PTCD2: variants seen among roughly 807,000 people sequenced by gnomAD.
PTCD2 encodes the protein pentatricopeptide repeat-containing protein 2, mitochondrial.
A neutral mutation model predicts 42.6 loss-of-function variants in PTCD2; 31 were observed. The observed-to-expected ratio is 0.73, with a 90% CI of 0.55 to 0.98. The LOEUF (loss-of-function observed/expected upper bound fraction) is 0.98. Among genes scored for constraint, PTCD2 ranks in the 50% least tolerant of loss-of-function variants. The pLI is 0.00. For missense variants in PTCD2, 476 were observed against 454.8 expected, an observed-to-expected ratio of 1.05 and a Z score of -0.42; for synonymous variants, 183 against 170.9, an observed-to-expected ratio of 1.07 and a Z score of -0.55.
chr5:72,322,412 T>G, intron 2 of PTCD2, 148 bp downstream of exon 2: 1 of 614,390 alleles, frequency 1.6e-6, no homozygotes, highest in Non-Finnish European at 2.9e-6. Flanking sequence ...TGAACTCTTA[T>G]ATTTATCTTG....
In PTCD2 at chr5:72,364,117, A is replaced by G. The variant is rs988427127; in HGVS notation, c.*5690A>G. 1 of 152,254 alleles carries G rather than the reference A, an allele frequency of 6.6e-6. No individual in the cohort carries two copies. The highest frequency in any genetic ancestry group is 6.5e-5 in the Admixed American group (1 of 15,292). The allele number at this position is 152,254 out of a possible 1,614,324, so 9.4% of individuals were successfully genotyped here. On this transcript the variant is annotated 3_prime_UTR_variant, in exon 10 of 10. Coordinates refer to ENST00000380639, the MANE Select transcript of PTCD2 (RefSeq NM_024754.5). ...TTCAACTGTATTGCATAGAAAATGAATCAAGGAATTACATTGGCTTAAATG... is the reference window on the plus strand; with the variant it reads ...TTCAACTGTATTGCATAGAAAATGAGTCAAGGAATTACATTGGCTTAAATG...
rs528817115 is a variant in PTCD2, at chr5:72,342,107, C to T, written c.754-855C>T. On this transcript the variant is annotated intron_variant, in intron 7 of 9. Transcript: ENST00000380639. ...TAAAAATTCAAAAATAAAAGAAAAA[C>T]GTGTTTCTTTTAGACCGGTCATTTG... 7.3e-5 allele frequency among the ~76,000 whole-genome samples: 11 copies of T among 151,658 alleles called. No homozygotes were observed. The South Asian group carries it at 1.5e-3, about 20-fold the overall frequency.
Position 72,352,335 on chromosome 5 carries a change from A to C in PTCD2, c.829-306A>C, listed in dbSNP as rs545761755. 3.9e-5 allele frequency among the ~76,000 whole-genome samples: 6 copies of C among 152,214 alleles called. No individual in the cohort carries two copies. The East Asian group carries it at 1.2e-3, about 29-fold the overall frequency. Reference sequence around the variant, plus strand: ...GCTAATTTTTGTATTTTTAGTAGAGATGGGGTTTCACCATGTTGGCCAGAA... The same window carrying C: ...GCTAATTTTTGTATTTTTAGTAGAGCTGGGGTTTCACCATGTTGGCCAGAA... On this transcript the variant is annotated intron_variant, in intron 8 of 9. Coordinates refer to ENST00000380639, the MANE Select transcript of PTCD2 (RefSeq NM_024754.5).
chr5:72,323,515 A>C (rs1750974507), intron 2 of PTCD2, among the ~76,000 whole-genome samples: 3 of 151,760 alleles, frequency 2.0e-5, no homozygotes, highest in African/African-American at 7.3e-5. Flanking sequence ...CTCCTTTATG[A>C]ACACATCTAA....
intron 8 of PTCD2, among the ~76,000 whole-genome samples, chr5:72,347,044 C>A (rs1412332229): frequency 6.6e-6 from 1 of 152,104 alleles, no homozygotes; most frequent in African/African-American, 2.4e-5. Flanking sequence ...ATTTGTTATA[C>A]AACTCTATCA....
In PTCD2 at chr5:72,367,513, G is replaced by T. The variant is rs1304608672; in HGVS notation, c.*9086G>T. 1 of 152,164 alleles carries T rather than the reference G, an allele frequency of 6.6e-6. No individual in the cohort carries two copies. The highest frequency in any genetic ancestry group is 1.9e-4 in the East Asian group (1 of 5,190). 9.4% of individuals were successfully genotyped at this position (152,164 alleles called of 1,614,324 possible). On this transcript the variant is annotated 3_prime_UTR_variant, in exon 10 of 10. Transcript: ENST00000380639. The stretch of plus-strand genomic sequence containing the variant: ...ACAATGTGGCCCACAGAGTTGGTAT[G>T]GTTTGGCCACACCAGCTCAGGGATA...
At chr5:72,351,296 G>A (rs529636602) in intron 8 of PTCD2, among the ~76,000 whole-genome samples, 10 of 152,240 alleles carry the variant, frequency 6.6e-5, no homozygotes, top group African/African-American at 2.2e-4. Flanking sequence ...TGGAAGATAG[G>A]TGGTAGTATC....
intron 4 of PTCD2, among the ~76,000 whole-genome samples, chr5:72,333,890 G>A (rs978266748): frequency 3.3e-5 from 5 of 152,022 alleles, no homozygotes; most frequent in Admixed American, 6.6e-5. Context: ...GTCTTGCTCC[G>A]TCACCTAAGC....
intron 8 of PTCD2, among the ~76,000 whole-genome samples, chr5:72,347,953 T>C (rs1353938449): frequency 6.6e-6 from 1 of 152,166 alleles, no homozygotes; most frequent in Non-Finnish European, 1.5e-5. Context: ...CATAAGTAAC[T>C]TTGAAGTGAT....
chr5:72,341,701 A>G (rs958373008), intron 7 of PTCD2, among the ~76,000 whole-genome samples: 2 of 152,100 alleles, frequency 1.3e-5, no homozygotes, highest in African/African-American at 4.8e-5. Flanking sequence ...CCATGATTCC[A>G]CCACTACCCT....
Position 72,320,402 on chromosome 5 carries a change from C to T in PTCD2, c.20C>T (p.Ala7Val), listed in dbSNP as rs1318446686. 2 of 1,614,074 alleles carry T rather than the reference C, an allele frequency of 1.2e-6. No individual in the cohort carries two copies. The highest frequency in any genetic ancestry group is 1.3e-5 in the African/African-American group (1 of 74,930). MVRDSMAAAFRPSNRVL... is the reference protein window; with the variant it reads MVRDSMVAAFRPSNRVL... ...GTTGGTATGGTCCGAGACAGTATGGCTGCTGCATTTCGGCCCTCGAATCGA... is the reference window on the plus strand; with the variant it reads ...GTTGGTATGGTCCGAGACAGTATGGTTGCTGCATTTCGGCCCTCGAATCGA... Residue 7 changes from alanine to valine, a missense_variant, in exon 1 of 10, where the codon GCT (alanine) becomes GTT (valine). Transcript: ENST00000380639.
At chr5:72,323,868 A>G (rs1329485470) in intron 2 of PTCD2, among the ~76,000 whole-genome samples, 1 of 151,848 alleles carries the variant, frequency 6.6e-6, no homozygotes, top group Non-Finnish European at 1.5e-5. Flanking sequence ...CTGGTCTCGA[A>G]CTCCCAGGCT....
Position 72,366,837 on chromosome 5 carries a change from A to G in PTCD2, c.*8410A>G, listed in dbSNP as rs1441055987. The G allele has an allele frequency of 1.3e-5, 2 of 152,276 alleles. No homozygotes were observed. Among genetic ancestry groups the G allele is most frequent in the Admixed American group, 6.5e-5 (1 of 15,290 alleles). The allele number at this position is 152,276 out of a possible 1,614,324, so 9.4% of individuals were successfully genotyped here. ...TCCATGTGCGTGTACACGTGAGCAC[A>G]CATGCACACACACATTAGATGTTTT... On this transcript the variant is annotated 3_prime_UTR_variant, in exon 10 of 10. Transcript: ENST00000380639.
chr5:72,334,951 C>A, intron 4 of PTCD2, 67 bp from the exon 5 acceptor site: 2 of 919,734 alleles, frequency 2.2e-6, no homozygotes, highest in Non-Finnish European at 1.8e-6. Context: ...AGATAAGAGA[C>A]AGTAAAAGTA....
chr5:72,339,747 A>G (rs1751958642), intron 7 of PTCD2, among the ~76,000 whole-genome samples: 2 of 145,872 alleles, frequency 1.4e-5, no homozygotes, highest in African/African-American at 5.4e-5. Context: ...TGTTTGGTGC[A>G]CAGATACATC....
intron 1 of PTCD2, chr5:72,321,310 C>T (rs370849957): frequency 1.3e-5 from 2 of 152,218 alleles, no homozygotes; most frequent in Non-Finnish European, 2.9e-5. Flanking sequence ...ACATTAATTC[C>T]TTTTCTCTAG....
At chr5:72,353,761 C>A (rs1042783574) in intron 9 of PTCD2, among the ~76,000 whole-genome samples, 1 of 151,938 alleles carries the variant, frequency 6.6e-6, no homozygotes, top group African/African-American at 2.4e-5. Context: ...AGTGGATAGA[C>A]TAGTAAGAAG....
At chr5:72,349,494 A>C (rs750698300) in intron 8 of PTCD2, among the ~76,000 whole-genome samples, 6 of 152,332 alleles carry the variant, frequency 3.9e-5, no homozygotes, top group Middle Eastern at 3.4e-3. Flanking sequence ...ATGATATCCT[A>C]CTTCAAATAT....
chr5:72,333,260 C>G (rs1356098739), intron 4 of PTCD2, among the ~76,000 whole-genome samples: 2 of 152,204 alleles, frequency 1.3e-5, no homozygotes, highest in Non-Finnish European at 2.9e-5. Flanking sequence ...GCATTCTTAT[C>G]CTTGAGGCTC....
Sources: allele counts gnomAD v4.1 joint callset (sites outside exome capture counted in the v4.1 genomes callset), GRCh38; gene constraint gnomAD v4.1.1; transcripts MANE v1.5; gene names NCBI Gene and HGNC (gene_info 2026-07-23, HGNC 2026-07-21).